The following IL20RB variants were observed in gnomAD, a reference collection of about 807,000 sequenced individuals.
IL20RB encodes the protein interleukin-20 receptor subunit beta.
In IL20RB, 21 loss-of-function variants were observed where a neutral mutation model predicts 33.3. The ratio of observed to expected loss-of-function variants is 0.63; its 90% CI spans 0.45 to 0.91. IL20RB has a LOEUF of 0.91. Ranked by LOEUF, IL20RB falls within the 40% of genes least tolerant of loss-of-function variation. The probability of loss-of-function intolerance (pLI) is 0.00; values close to 1 mark genes in which losing one functional copy is unlikely to be tolerated. For synonymous variants in IL20RB, 147 were observed against 146.8 expected, an observed-to-expected ratio of 1.00 and a Z score of -0.01; for missense variants, 345 against 384.8, an observed-to-expected ratio of 0.90 and a Z score of 0.86.
intron 4 of IL20RB, 94 bp from the exon 5 acceptor site, chr3:136,991,844 A>G: frequency 1.5e-6 from 2 of 1,318,968 alleles, no homozygotes; most frequent in South Asian, 2.7e-5. Context: ...TCCTGACCTC[A>G]GGTGATCCGC....
At chr3:137,004,706 C>A (rs768195038) in intron 6 of IL20RB, among the ~76,000 whole-genome samples, 3 of 152,006 alleles carry the variant, frequency 2.0e-5, no homozygotes, top group Non-Finnish European at 2.9e-5. Context: ...TTGATCTTTT[C>A]AAAAAACCAG....
chr3:136,957,985 A>C lies in IL20RB; in HGVS notation c.-129A>C. 3.1e-6 allele frequency: 2 copies of C among 647,442 alleles called. No homozygotes were observed. Among genetic ancestry groups the C allele is most frequent in the Non-Finnish European group, 5.4e-6 (2 of 370,838 alleles). 40.1% of individuals were successfully genotyped at this position (647,442 alleles called of 1,614,324 possible). The stretch of plus-strand genomic sequence containing the variant: ...TCTGAGCTTCCTGGGCCGGCTCTAG[A>C]ACAATTCAGGCTTCGCTGCGACTCA... On this transcript the variant is annotated 5_prime_UTR_variant, in exon 1 of 7. Transcript: ENST00000329582.
chr3:136,986,183 A>G (rs957196346), intron 3 of IL20RB, among the ~76,000 whole-genome samples: 2 of 152,006 alleles, frequency 1.3e-5, no homozygotes, highest in Non-Finnish European at 2.9e-5. Flanking sequence ...ACTGCACTCC[A>G]GCCTGGGCGA....
chr3:136,959,779 G>T (rs1325384843), intron 1 of IL20RB, among the ~76,000 whole-genome samples: 1 of 152,142 alleles, frequency 6.6e-6, no homozygotes, highest in African/African-American at 2.4e-5. Flanking sequence ...TAGCCAGAAA[G>T]ACCTGTGTGT....
intron 3 of IL20RB, among the ~76,000 whole-genome samples, chr3:136,988,753 A>G (rs1306943115): frequency 6.6e-6 from 1 of 152,066 alleles, no homozygotes; most frequent in African/African-American, 2.4e-5. Flanking sequence ...TGAAAAAAAA[A>G]GAAACAAGAA....
chr3:136,980,545 A>G lies in IL20RB; in HGVS notation c.168A>G (p.Pro56=). ...TGAAGCATCTCTTGATGTGGAGCCC[A>G]GTGATCGCGCCTGGAGAAACAGTGT... ...TNMKHLLMWS[P]VIAPGETVYY... is the part of the protein sequence containing the mutation. Residue 56 remains proline, a synonymous_variant, in exon 2 of 7, where the codon CCA becomes CCG. Transcript: ENST00000329582. The G allele has an allele frequency of 6.2e-7, 1 of 1,614,242 alleles. No homozygotes were observed. Among genetic ancestry groups the G allele is most frequent in the Non-Finnish European group, 8.5e-7 (1 of 1,180,038 alleles).
chr3:136,987,381 C>T (rs1195235307), intron 3 of IL20RB, among the ~76,000 whole-genome samples: 2 of 152,182 alleles, frequency 1.3e-5, no homozygotes, highest in East Asian at 1.9e-4. Flanking sequence ...CTCACAAACC[C>T]TGAGCTAGTA....
At chr3:136,981,335 G>A (rs1427845856) in intron 2 of IL20RB, among the ~76,000 whole-genome samples, 3 of 149,326 alleles carry the variant, frequency 2.0e-5, no homozygotes, top group South Asian at 4.3e-4. Flanking sequence ...CACATTTTAG[G>A]TGTTCAATAG....
intron 6 of IL20RB, among the ~76,000 whole-genome samples, chr3:136,995,899 TG>T (rs1942117629): frequency 6.6e-6 from 1 of 152,182 alleles, no homozygotes; most frequent in African/African-American, 2.4e-5. Context: ...TGAGCATTCT[TG>T]GCCTCTTCCC....
intron 6 of IL20RB, among the ~76,000 whole-genome samples, chr3:137,003,796 A>T (rs1173020253): frequency 6.6e-6 from 1 of 152,124 alleles, no homozygotes; most frequent in Non-Finnish European, 1.5e-5. Context: ...AGAACTTCCA[A>T]CACTATGTTG....
intron 6 of IL20RB, among the ~76,000 whole-genome samples, chr3:136,998,756 TAAAC>T (rs1250917416): frequency 7.2e-5 from 11 of 152,046 alleles, no homozygotes; most frequent in Non-Finnish European, 8.8e-5. Flanking sequence ...CTCCTGGGCT[TAAAC>T]AATCCTCTTT....
rs202189512 is a variant in IL20RB, at chr3:136,989,383, C to G, written c.407-58C>G. Reference sequence around the variant, plus strand: ...CCATACATGACCCGGTCATTGTGTTCCAGGGAAATCAACCCTGTCTGGGGC... The same window carrying G: ...CCATACATGACCCGGTCATTGTGTTGCAGGGAAATCAACCCTGTCTGGGGC... On this transcript the variant is annotated intron_variant, in intron 3 of 6. Transcript: ENST00000329582. 870 of 1,602,358 alleles carry G rather than the reference C, an allele frequency of 5.4e-4. 2 individuals carry two copies. The Middle Eastern group carries it at 0.016, about 29-fold the overall frequency.
At chr3:136,970,525 C>A (rs1417539379) in intron 1 of IL20RB, among the ~76,000 whole-genome samples, 1 of 152,156 alleles carries the variant, frequency 6.6e-6, no homozygotes, top group African/African-American at 2.4e-5. Flanking sequence ...TTTGCCAATA[C>A]AATATAGTTT....
chr3:136,993,632 C>T (rs564038508), intron 5 of IL20RB, among the ~76,000 whole-genome samples: 85 of 151,416 alleles, frequency 5.6e-4, no homozygotes, highest in Admixed American at 1.1e-3. Flanking sequence ...CAAGTGTTCT[C>T]ATTGTTCAGT....
chr3:137,009,854 A>T (rs1437824888), intron 6 of IL20RB, among the ~76,000 whole-genome samples: 2 of 151,780 alleles, frequency 1.3e-5, no homozygotes, highest in Admixed American at 1.3e-4. Context: ...CCAGAATTAC[A>T]TTCTGGGTTT....
At chr3:137,003,067 A>G (rs966615923) in intron 6 of IL20RB, among the ~76,000 whole-genome samples, 2 of 152,170 alleles carry the variant, frequency 1.3e-5, no homozygotes, top group Non-Finnish European at 2.9e-5. Flanking sequence ...TTCATCAAAG[A>G]TCAGATGGTT....
At chr3:136,983,028 C>T (rs553800639) in intron 3 of IL20RB, among the ~76,000 whole-genome samples, 7 of 151,394 alleles carry the variant, frequency 4.6e-5, no homozygotes, top group South Asian at 4.2e-4. Flanking sequence ...GGCTTTGACA[C>T]GAAGCTTGAC....
chr3:136,963,456 T>C (rs1284270176), intron 1 of IL20RB, among the ~76,000 whole-genome samples: 1 of 152,216 alleles, frequency 6.6e-6, no homozygotes, highest in Non-Finnish European at 1.5e-5. Context: ...CATTTAGTTT[T>C]GTAACTTTGA....
At position 136,962,759 on chromosome 3, in the gene IL20RB, AAC is replaced by A. The variant is rs1229202210; in HGVS notation, c.88+4560_88+4561del. Among the ~76,000 whole-genome samples, 44 of 149,762 alleles carry A rather than the reference AAC, an allele frequency of 2.9e-4. 1 individual carries two copies. The highest frequency in any genetic ancestry group is 7.1e-4 in the African/African-American group (29 of 41,112). On this transcript the variant is annotated intron_variant, in intron 1 of 6. Transcript: ENST00000329582. ...GAGCAAGACTCCATCTCAAAAAAAA[AAC>A]AAAAAACTCAAGGTCATTAAAAAAG...
Sources: gnomAD v4.1 joint callset for allele counts (sites outside exome capture counted in the v4.1 genomes callset) on GRCh38, gnomAD v4.1.1 for gene constraint, MANE v1.5 for transcripts, NCBI Gene and HGNC (gene_info 2026-07-23, HGNC 2026-07-21) for gene names.